Variants in RIMS2 observed in about 807,000 individuals in gnomAD.
The protein encoded by RIMS2 is regulating synaptic membrane exocytosis protein 2.
In RIMS2, 59 loss-of-function variants were observed where a neutral mutation model predicts 174.4. That is an observed-to-expected ratio of 0.34 (90% confidence interval 0.27 to 0.42). RIMS2 has a LOEUF of 0.42. RIMS2 is among the 10% of genes least tolerant of loss of function. RIMS2 has a pLI of 1.00. For missense variants in RIMS2, 1,620 were observed against 1,666.3 expected, an observed-to-expected ratio of 0.97 and a Z score of 0.48; for synonymous variants, 606 against 572.5, an observed-to-expected ratio of 1.06 and a Z score of -0.84.
intron 3 of RIMS2, among the ~76,000 whole-genome samples, chr8:103,874,148 C>T (rs2099124823): frequency 6.6e-6 from 1 of 151,900 alleles, no homozygotes; most frequent in South Asian, 2.1e-4. Flanking sequence ...GACTTATGCC[C>T]TTAAATTGTC....
At chr8:103,639,414 C>G (rs1450049621) in intron 1 of RIMS2, among the ~76,000 whole-genome samples, 1 of 151,834 alleles carries the variant, frequency 6.6e-6, no homozygotes, top group East Asian at 1.9e-4. Flanking sequence ...ATAGTTTCAA[C>G]ACTCTAAAAA....
chr8:103,801,567 A>G (rs558168817), intron 3 of RIMS2, among the ~76,000 whole-genome samples: 3 of 152,266 alleles, frequency 2.0e-5, no homozygotes, highest in African/African-American at 7.2e-5. Flanking sequence ...ATTTAATTCC[A>G]ATTTCAACTA....
intron 2 of RIMS2, among the ~76,000 whole-genome samples, chr8:103,745,881 T>A (rs1267836618): frequency 6.6e-6 from 1 of 152,198 alleles, no homozygotes; most frequent in Non-Finnish European, 1.5e-5. Context: ...TTTGCAAATA[T>A]TTTTTCTTAT....
chr8:103,848,689 C>G (rs1430226590), intron 3 of RIMS2, among the ~76,000 whole-genome samples: 1 of 152,002 alleles, frequency 6.6e-6, no homozygotes, highest in Non-Finnish European at 1.5e-5. Flanking sequence ...ACAGATATCT[C>G]TAGTACCATG....
At chr8:104,077,171 C>A (rs1281626382) in intron 19 of RIMS2, among the ~76,000 whole-genome samples, 5 of 152,046 alleles carry the variant, frequency 3.3e-5, no homozygotes, top group Non-Finnish European at 7.3e-5. Flanking sequence ...TAGAGCAGAG[C>A]TTGATATGTA....
At chr8:103,885,794 G>A in exon 4 of RIMS2, 1 of 1,612,964 alleles carries the variant, frequency 6.2e-7, no homozygotes, top group East Asian at 2.2e-5. Flanking sequence ...ATCTATATCA[G>A]AACGTAGAGC....
intron 3 of RIMS2, among the ~76,000 whole-genome samples, chr8:103,883,510 A>T (rs113477247): frequency 2.6e-5 from 4 of 151,828 alleles, no homozygotes; most frequent in Non-Finnish European, 5.9e-5. Flanking sequence ...TTTAAACTGT[A>T]GGAATCTATG....
At chr8:103,748,838 T>C (rs1254427999) in intron 2 of RIMS2, among the ~76,000 whole-genome samples, 1 of 152,124 alleles carries the variant, frequency 6.6e-6, no homozygotes, top group Admixed American at 6.5e-5. Flanking sequence ...TTTACTCTTG[T>C]TGCCCAAGCT....
intron 4 of RIMS2, among the ~76,000 whole-genome samples, chr8:103,897,930 CTG>C (rs2154523303): frequency 6.6e-6 from 1 of 151,754 alleles, no homozygotes; most frequent in East Asian, 1.9e-4. Flanking sequence ...TGGAAGCCTT[CTG>C]TATTCTTGGC....
At chr8:103,728,745 C>CTTTTTTTT (rs1311572866) in intron 2 of RIMS2, among the ~76,000 whole-genome samples, 7 of 68,136 alleles carry the variant, frequency 1.0e-4, no homozygotes, top group African/African-American at 5.4e-4. Context: ...AGGTATGCTC[C>CTTTTTTTT]TTCTTTTTTT....
chr8:103,731,173 T>C (rs1210934882), intron 2 of RIMS2, among the ~76,000 whole-genome samples: 1 of 152,154 alleles, frequency 6.6e-6, no homozygotes, highest in African/African-American at 2.4e-5. Context: ...GGAGCTACAA[T>C]TCATGGTGAG....
intron 3 of RIMS2, among the ~76,000 whole-genome samples, chr8:103,822,091 G>A (rs2098755466): frequency 7.0e-6 from 1 of 143,752 alleles, no homozygotes; most frequent in Middle Eastern, 3.8e-3. Flanking sequence ...ATAGAAAAAA[G>A]CCATCAATTT....
chr8:103,818,312 A>C (rs2098730771), intron 3 of RIMS2, among the ~76,000 whole-genome samples: 1 of 152,208 alleles, frequency 6.6e-6, no homozygotes, highest in Non-Finnish European at 1.5e-5. Flanking sequence ...ATTAAAAGTC[A>C]ATGAAAATAC....
intron 3 of RIMS2, among the ~76,000 whole-genome samples, chr8:103,864,916 T>C (rs1370692193): frequency 6.6e-6 from 1 of 152,178 alleles, no homozygotes; most frequent in East Asian, 1.9e-4. Context: ...TTAAGATAAT[T>C]AATTAAATGA....
chr8:103,885,681 G>A (rs917512575), exon 4 of RIMS2: 2 of 1,612,920 alleles, frequency 1.2e-6, no homozygotes, highest in African/African-American at 2.7e-5. Flanking sequence ...GAAGTGTCCC[G>A]AGCACGGCAT....
At chr8:103,817,382 A>T (rs893859877) in intron 3 of RIMS2, among the ~76,000 whole-genome samples, 2 of 152,252 alleles carry the variant, frequency 1.3e-5, no homozygotes, top group African/African-American at 4.8e-5. Context: ...AAAAAATAGA[A>T]TCACAGGGAA....
intron 1 of RIMS2, among the ~76,000 whole-genome samples, chr8:103,504,180 T>C (rs1470069580): frequency 3.3e-5 from 5 of 152,128 alleles, no homozygotes; most frequent in Admixed American, 1.3e-4. Context: ...TGTTTTTTTT[T>C]CAATCTTCCA....
At chr8:103,827,107 T>C (rs1345847225) in intron 3 of RIMS2, among the ~76,000 whole-genome samples, 1 of 152,202 alleles carries the variant, frequency 6.6e-6, no homozygotes, top group Non-Finnish European at 1.5e-5. Context: ...CTTCCAGTGG[T>C]GTATCTCTTC....
chr8:104,172,565 A>T (rs2098838542), intron 19 of RIMS2, among the ~76,000 whole-genome samples: 1 of 152,216 alleles, frequency 6.6e-6, no homozygotes, highest in African/African-American at 2.4e-5. Context: ...AGTGGCTGAG[A>T]TGAGTAGTAT....
Sources: allele counts gnomAD v4.1 joint callset (sites outside exome capture counted in the v4.1 genomes callset), GRCh38; gene constraint gnomAD v4.1.1; transcripts MANE v1.5; gene names NCBI Gene and HGNC (gene_info 2026-07-23, HGNC 2026-07-21).